Variants in FAM3C observed in about 807,000 individuals in gnomAD.
FAM3C encodes the protein protein FAM3C.
In FAM3C, 15 loss-of-function variants were observed where a neutral mutation model predicts 32.5. The ratio of observed to expected loss-of-function variants is 0.46; its 90% CI spans 0.31 to 0.71. FAM3C has a LOEUF of 0.71. Among genes scored for constraint, FAM3C ranks in the 30% least tolerant of loss-of-function variants. The probability of loss-of-function intolerance (pLI) is 0.05; values close to 1 mark genes in which losing one functional copy is unlikely to be tolerated. For missense variants in FAM3C, 175 were observed against 274.4 expected (o/e 0.64, Z 2.56); for synonymous variants, 75 against 86.1 (o/e 0.87, Z 0.72).
chr7:121,383,044 G>A, intron 1 of FAM3C, 34 bp from the exon 2 acceptor site: 1 of 1,163,040 alleles, frequency 8.6e-7, no homozygotes, highest in Non-Finnish European at 1.3e-6. Context: ...AATATCATTA[G>A]CTCTAGAGCA....
At chr7:121,353,416 G>A (rs140660580) in intron 8 of FAM3C, among the ~76,000 whole-genome samples, 156 of 152,230 alleles carry the variant, frequency 1.0e-3, no homozygotes, top group African/African-American at 3.7e-3. Context: ...CTTATTCCTT[G>A]CTTTTCCATT....
At chr7:121,385,550 T>C (rs1257353100) in intron 1 of FAM3C, among the ~76,000 whole-genome samples, 3 of 152,182 alleles carry the variant, frequency 2.0e-5, no homozygotes, top group Non-Finnish European at 2.9e-5. Context: ...GGCCCCACTA[T>C]CTACTCTGAT....
intron 1 of FAM3C, among the ~76,000 whole-genome samples, chr7:121,393,611 T>A (rs1429921688): frequency 6.6e-6 from 1 of 151,922 alleles, no homozygotes; most frequent in Non-Finnish European, 1.5e-5. Context: ...AGCAGGCCAA[T>A]GAAGAAGAAA....
rs1241696366 is a variant in FAM3C, at chr7:121,362,935, TCTC to T, written c.341_343del (p.Gly114del). 1.3e-6 allele frequency: 2 copies of T among 1,510,626 alleles called. No individual in the cohort carries two copies. The highest frequency in any genetic ancestry group is 1.4e-5 in the African/African-American group (1 of 72,442). 93.6% of individuals were successfully genotyped at this position (1,510,626 alleles called of 1,614,324 possible). On this transcript the variant is annotated inframe_deletion, in exon 7 of 10. Transcript: ENST00000359943. ...GTCAAAATATTTAGTGTCTAATACT[TCTC>T]CTGTTTTTCCTAAAAGAGATTAAAT...
intron 5 of FAM3C, among the ~76,000 whole-genome samples, chr7:121,370,321 T>TA (rs1213601622): frequency 3.3e-5 from 5 of 152,112 alleles, no homozygotes; most frequent in African/African-American, 1.2e-4. Context: ...TGAAGCTCAA[T>TA]AAACTTCTTA....
chr7:121,366,300 A>G (rs981971902), intron 5 of FAM3C, among the ~76,000 whole-genome samples: 1 of 152,156 alleles, frequency 6.6e-6, no homozygotes, highest in African/African-American at 2.4e-5. Context: ...ATGTCTACCA[A>G]CTAATGAATG....
intron 8 of FAM3C, among the ~76,000 whole-genome samples, chr7:121,356,535 A>G (rs1184895094): frequency 6.6e-6 from 1 of 152,208 alleles, no homozygotes; most frequent in Non-Finnish European, 1.5e-5. Context: ...AGAATGTAAC[A>G]CTGTACTGTG....
At chr7:121,383,207 C>T (rs1794393620) in intron 1 of FAM3C, among the ~76,000 whole-genome samples, 197 bp from the exon 2 acceptor site, 1 of 151,692 alleles carries the variant, frequency 6.6e-6, no homozygotes, top group Admixed American at 6.6e-5. Context: ...TCTGTCTTAC[C>T]CTGCTGTGTC....
intron 8 of FAM3C, among the ~76,000 whole-genome samples, chr7:121,353,190 C>T (rs1023833006): frequency 1.2e-4 from 18 of 152,188 alleles, no homozygotes; most frequent in South Asian, 6.2e-4. Flanking sequence ...GTTATCCAAA[C>T]GCAGGTCCAG....
At chr7:121,394,417 G>T (rs1794643452) in intron 1 of FAM3C, among the ~76,000 whole-genome samples, 2 of 152,084 alleles carry the variant, frequency 1.3e-5, no homozygotes. Context: ...CATCCATTAA[G>T]TTTATTTTTA....
intron 2 of FAM3C, among the ~76,000 whole-genome samples, chr7:121,380,809 T>A (rs1315682667): frequency 6.6e-6 from 1 of 151,238 alleles, no homozygotes; most frequent in Non-Finnish European, 1.5e-5. Flanking sequence ...AAATGCTTTA[T>A]AAGTATAATC....
chr7:121,382,648 C>T (rs1445935035), intron 2 of FAM3C, among the ~76,000 whole-genome samples: 1 of 149,352 alleles, frequency 6.7e-6, no homozygotes, highest in Admixed American at 6.7e-5. Flanking sequence ...CTCAAATGAG[C>T]ATTTCCTTTG....
rs1205845433 is a variant in FAM3C, at chr7:121,364,167, A to G, written c.294T>C (p.Asn98=). The G allele has an allele frequency of 6.3e-7, 1 of 1,598,636 alleles. No individual in the cohort carries two copies. Among genetic ancestry groups the G allele is most frequent in the Admixed American group, 1.7e-5 (1 of 59,990 alleles). Residue 98 remains asparagine, a synonymous_variant, in exon 6 of 10, where the codon AAT becomes AAC. Coordinates refer to ENST00000359943, the MANE Select transcript of FAM3C (RefSeq NM_014888.3). The part of the protein sequence containing the change: ...EDNVLMSGVK[N]NVGRGINVAL... ...CAACATTGATCCCTCTTCCAACATT[A>G]TTCTTAACACCACTCATTAAACTGA... is the stretch of plus-strand genomic sequence containing the variant.
Position 121,383,473 on chromosome 7 carries a change from A to AATGATTCATAT in FAM3C, c.-41-464_-41-463insATATGAATCAT, listed in dbSNP as rs1202174806. 2.4e-4 allele frequency among the ~76,000 whole-genome samples: 36 copies of AATGATTCATAT among 152,294 alleles called. 1 individual carries two copies. Among genetic ancestry groups the AATGATTCATAT allele is most frequent in the African/African-American group, 8.2e-4 (34 of 41,556 alleles). On this transcript the variant is annotated intron_variant, in intron 1 of 9. Coordinates refer to ENST00000359943, the MANE Select transcript of FAM3C (RefSeq NM_014888.3). The stretch of plus-strand genomic sequence containing the variant: ...ATGATGCCACTTCATTTTTGATATG[A>AATGATTCATAT]CATAATTCAAGTGCCACTACCATAA...
chr7:121,351,525 C>T (rs1326367723), intron 8 of FAM3C: 6 of 362,498 alleles, frequency 1.7e-5, no homozygotes, highest in African/African-American at 6.1e-5. Context: ...AACAATTCAC[C>T]TTCATTTAAC....
intron 7 of FAM3C, among the ~76,000 whole-genome samples, chr7:121,362,212 C>T (rs542366499): frequency 1.3e-5 from 2 of 152,294 alleles, no homozygotes; most frequent in Admixed American, 6.5e-5. Flanking sequence ...TTCCGGGCAG[C>T]GTTCTTCTTT....
At chr7:121,356,051 A>G (rs1303511767) in intron 8 of FAM3C, among the ~76,000 whole-genome samples, 1 of 152,104 alleles carries the variant, frequency 6.6e-6, no homozygotes, top group African/African-American at 2.4e-5. Context: ...AAAAAAAAAA[A>G]AGGCCTGAGA....
chr7:121,352,960 A>C (rs1473959242), intron 8 of FAM3C, among the ~76,000 whole-genome samples: 1 of 152,210 alleles, frequency 6.6e-6, no homozygotes, highest in Non-Finnish European at 1.5e-5. Context: ...AATAGTATTG[A>C]AATGTCTAGA....
chr7:121,385,883 C>T (rs1308335399), intron 1 of FAM3C, among the ~76,000 whole-genome samples: 1 of 152,104 alleles, frequency 6.6e-6, no homozygotes, highest in Non-Finnish European at 1.5e-5. Context: ...CCTCTAGTTG[C>T]TGGGGGCATT....
Sources: gnomAD v4.1 joint callset for allele counts (sites outside exome capture counted in the v4.1 genomes callset) on GRCh38, gnomAD v4.1.1 for gene constraint, MANE v1.5 for transcripts, NCBI Gene and HGNC (gene_info 2026-07-23, HGNC 2026-07-21) for gene names.